The following RHOBTB1 variants were observed in gnomAD, a reference collection of about 807,000 sequenced individuals.
RHOBTB1 encodes Rho related BTB domain containing 1.
A neutral mutation model predicts 71.6 loss-of-function variants in RHOBTB1; 40 were observed. That is an observed-to-expected ratio of 0.56 (90% confidence interval 0.43 to 0.73). The LOEUF is 0.73. Among genes scored for constraint, RHOBTB1 ranks in the 30% least tolerant of loss-of-function variants. RHOBTB1 has a pLI of 0.00. For missense variants in RHOBTB1, 797 were observed against 894.0 expected, an observed-to-expected ratio of 0.89 and a Z score of 1.38; for synonymous variants, 319 against 334.9, an observed-to-expected ratio of 0.95 and a Z score of 0.52.
At chr10:60,968,388 G>A (rs1361122861) in intron 2 of RHOBTB1, among the ~76,000 whole-genome samples, 2 of 152,104 alleles carry the variant, frequency 1.3e-5, no homozygotes, top group Admixed American at 1.3e-4. Flanking sequence ...CTAGTTCAAT[G>A]TTTTAAAACA....
intron 2 of RHOBTB1, among the ~76,000 whole-genome samples, chr10:60,959,682 CT>C (rs775157697): frequency 6.6e-6 from 1 of 152,184 alleles, no homozygotes; most frequent in Admixed American, 6.5e-5. Context: ...GTCTCTGCCA[CT>C]TTCCAGTTAT....
In RHOBTB1 at chr10:60,953,292, C is replaced by CA. The variant is rs2085477065; in HGVS notation, c.-61-11439dup. ...CCAGTGGGGGAATAAGCTATACATACAAGACCCCATTAGTTCTAAAGTGAG... is the reference window on the plus strand; with the variant it reads ...CCAGTGGGGGAATAAGCTATACATACAAAGACCCCATTAGTTCTAAAGTGAG... On this transcript the variant is annotated intron_variant, in intron 2 of 11. Transcript: ENST00000357917. Among the ~76,000 whole-genome samples the CA allele has an allele frequency of 3.3e-5, 5 of 152,288 alleles. No individual in the cohort carries two copies. In the South Asian group the frequency reaches 1.0e-3, roughly 32 times the overall value.
chr10:60,925,141 T>C (rs1037459791), intron 2 of RHOBTB1, among the ~76,000 whole-genome samples: 4 of 152,188 alleles, frequency 2.6e-5, no homozygotes, highest in African/African-American at 9.7e-5. Context: ...ACATTCCTGC[T>C]CTCCTCTTAC....
At chr10:60,914,492 T>C (rs987494676) in intron 2 of RHOBTB1, among the ~76,000 whole-genome samples, 1 of 152,260 alleles carries the variant, frequency 6.6e-6, no homozygotes, top group African/African-American at 2.4e-5. Flanking sequence ...TTTTGATAGA[T>C]AAATGTCATA....
chr10:60,894,961 C>T (rs2082092346), intron 4 of RHOBTB1, among the ~76,000 whole-genome samples: 1 of 152,088 alleles, frequency 6.6e-6, no homozygotes, highest in African/African-American at 2.4e-5. Flanking sequence ...GCTTGGTTGT[C>T]AAGGTTACCA....
chr10:60,904,496 A>G (rs2082564408), intron 4 of RHOBTB1, among the ~76,000 whole-genome samples: 1 of 152,190 alleles, frequency 6.6e-6, no homozygotes, highest in Admixed American at 6.5e-5. Context: ...TGCATTTTCT[A>G]GGATGTTACA....
chr10:60,879,460 A>G (rs2081206979), intron 7 of RHOBTB1, among the ~76,000 whole-genome samples: 1 of 151,880 alleles, frequency 6.6e-6, no homozygotes, highest in South Asian at 2.1e-4. Flanking sequence ...CCACCTCCCT[A>G]GTAGCTGGGA....
At chr10:60,879,180 T>A (rs973876296) in intron 7 of RHOBTB1, among the ~76,000 whole-genome samples, 1 of 152,036 alleles carries the variant, frequency 6.6e-6, no homozygotes, top group Non-Finnish European at 1.5e-5. Flanking sequence ...ACCCAGGGAG[T>A]ATGATGCGAA....
rs1228518308 is a variant in RHOBTB1 at position 60,888,961 on chromosome 10, G to T, written c.707C>A (p.Pro236Gln). ...TTTGATGACCGGTGGAGGGGCTTTT[G>T]GAGGTAGGAAGGGTGCCTGAAGTAA... is the stretch of plus-strand genomic sequence containing the variant. ...KPLLQAPFLP[P>Q]KAPPPVIKIP... is the part of the protein sequence containing the mutation. Residue 236 changes from proline (P) to glutamine (Q), a missense_variant, in exon 6 of 11, where the codon CCA (proline) becomes CAA (glutamine). Pro to Gln is a moderately conservative substitution (Grantham distance 76). Around this residue, in one of 2 missense-constraint regions of RHOBTB1, gnomAD observed 658 missense variants for 681.5 expected, o/e 0.97. Transcript: ENST00000337910. 1.9e-6 allele frequency: 3 copies of T among 1,614,172 alleles called. No homozygotes were observed. Among genetic ancestry groups the T allele is most frequent in the Non-Finnish European group, 2.5e-6 (3 of 1,180,022 alleles).
Position 60,886,100 on chromosome 10 carries a change from GA to G in RHOBTB1, c.1575+11del. The G allele has an allele frequency of 6.3e-7, 1 of 1,586,504 alleles. No homozygotes were observed. The highest frequency in any genetic ancestry group is 1.1e-5 in the South Asian group (1 of 90,408). On this transcript the variant is annotated intron_variant, in intron 7 of 10. Transcript: ENST00000337910. ...CATAAAGACACCACTATGCTTTTAGGAAGGCACGTACCTCACTGTTGGCACT... is the reference window on the plus strand; with the variant it reads ...CATAAAGACACCACTATGCTTTTAGGAGGCACGTACCTCACTGTTGGCACT...
At chr10:60,890,100 T>C (rs942204952) in intron 5 of RHOBTB1, among the ~76,000 whole-genome samples, 15 of 152,222 alleles carry the variant, frequency 9.9e-5, no homozygotes, top group African/African-American at 2.2e-4. Flanking sequence ...ATTTTCAGGC[T>C]GCTGAGAGAC....
At chr10:60,969,548 G>A (rs966764200) in intron 2 of RHOBTB1, among the ~76,000 whole-genome samples, 14 of 152,098 alleles carry the variant, frequency 9.2e-5, no homozygotes, top group African/African-American at 3.4e-4. Context: ...TAGCCCCAAA[G>A]GTTACATCTG....
At chr10:60,944,696 G>A (rs1049496757), upstream of RHOBTB1, among the ~76,000 whole-genome samples, 2 of 152,192 alleles carry the variant, frequency 1.3e-5, no homozygotes, top group African/African-American at 4.8e-5. Flanking sequence ...GACCGGCCGC[G>A]GACTCCGAGG....
chr10:60,985,396 CA>C (rs1398649079), intron 2 of RHOBTB1, among the ~76,000 whole-genome samples: 1 of 152,082 alleles, frequency 6.6e-6, no homozygotes, highest in African/African-American at 2.4e-5. Flanking sequence ...GTGCCCAGGC[CA>C]AAAAGGGCGG....
intron 2 of RHOBTB1, among the ~76,000 whole-genome samples, chr10:60,938,667 T>A (rs944779333): frequency 9.2e-5 from 14 of 152,198 alleles, no homozygotes; most frequent in African/African-American, 3.1e-4. Context: ...AAGAATAACT[T>A]CTATACTCCG....
chr10:60,937,584 G>A (rs185063102), intron 2 of RHOBTB1, among the ~76,000 whole-genome samples: 27 of 152,320 alleles, frequency 1.8e-4, no homozygotes, highest in Non-Finnish European at 3.4e-4. Context: ...AAATCTGCAA[G>A]AGAAGCTTGG....
chr10:60,889,162 A>C lies in RHOBTB1; in HGVS notation c.506T>G (p.Leu169Trp), dbSNP rs1179421072. 1.6e-5 allele frequency: 26 copies of C among 1,612,228 alleles called. No individual in the cohort carries two copies. Among genetic ancestry groups the C allele is most frequent in the Non-Finnish European group, 2.0e-5 (23 of 1,179,144 alleles). ...TACCTCTCGGCCTTTTTCTGGGGGC[A>C]AAATATCCCCTCTCTTTATGGGCCT... is the stretch of plus-strand genomic sequence containing the variant. ...LARPIKRGDI[L>W]PPEKGREVAK... The change falls in exon 6 of 11, where the codon TTG (leucine) becomes TGG (tryptophan). Residue 169 changes from leucine to tryptophan, a missense_variant. Leu to Trp is a moderately conservative substitution (Grantham distance 61, BLOSUM62 -2). Transcript: ENST00000337910.
chr10:60,878,585 A>G (rs1254596741), intron 7 of RHOBTB1, among the ~76,000 whole-genome samples: 1 of 152,240 alleles, frequency 6.6e-6, no homozygotes, highest in African/African-American at 2.4e-5. Context: ...CAACGTATAC[A>G]CTTCATTATT....
At chr10:60,924,681 G>T (rs926996371) in intron 2 of RHOBTB1, among the ~76,000 whole-genome samples, 2 of 152,136 alleles carry the variant, frequency 1.3e-5, no homozygotes, top group Admixed American at 6.5e-5. Flanking sequence ...TCATCCAACA[G>T]TTGCAGAATA....
Sources: gnomAD v4.1 joint callset for allele counts (sites outside exome capture counted in the v4.1 genomes callset) on GRCh38, gnomAD v4.1.1 for gene constraint, gnomAD v4.1.1 regional missense constraint, MANE v1.5 for transcripts, NCBI Gene and HGNC (gene_info 2026-07-23, HGNC 2026-07-21) for gene names.